LYN: variants seen among roughly 807,000 people sequenced by gnomAD.
LYN encodes tyrosine-protein kinase Lyn.
Under a neutral mutation model 65.0 loss-of-function variants are expected in LYN, and 12 were observed. That is an observed-to-expected ratio of 0.18 (90% CI 0.12 to 0.30). The LOEUF (loss-of-function observed/expected upper bound fraction) is 0.30, where lower values mean the gene tolerates loss of function less well. Ranked by LOEUF, LYN falls within the 10% of genes least tolerant of loss-of-function variation. The pLI, the probability that LYN is intolerant of heterozygous loss-of-function variation, is 1.00. For missense variants in LYN, 380 were observed against 623.2 expected, an observed-to-expected ratio of 0.61 and a Z score of 4.16; for synonymous variants, 222 against 221.2, an observed-to-expected ratio of 1.00 and a Z score of -0.03.
At chr8:55,929,358 T>C (rs1806196919) in intron 1 of LYN, among the ~76,000 whole-genome samples, 1 of 152,230 alleles carries the variant, frequency 6.6e-6, no homozygotes. Flanking sequence ...GCTTTTCTCA[T>C]AGAAAATCTC....
chr8:55,919,483 A>C (rs1465063988), intron 1 of LYN, among the ~76,000 whole-genome samples: 25 of 152,194 alleles, frequency 1.6e-4, no homozygotes, highest in Admixed American at 1.6e-3. Flanking sequence ...AGGGTGATTT[A>C]GAAATTGACT....
At chr8:55,977,328 A>G (rs1021819183) in intron 10 of LYN, among the ~76,000 whole-genome samples, 1 of 152,268 alleles carries the variant, frequency 6.6e-6, no homozygotes, top group Non-Finnish European at 1.5e-5. Context: ...TTTCAACAGG[A>G]CTTACAGTTT....
chr8:55,961,893 A>T (rs558734847), intron 8 of LYN, among the ~76,000 whole-genome samples: 1 of 141,974 alleles, frequency 7.0e-6, no homozygotes, highest in South Asian at 2.2e-4. Flanking sequence ...CCCACACCCT[A>T]CCTGTCCCCC....
intron 1 of LYN, among the ~76,000 whole-genome samples, chr8:55,933,980 C>A (rs1301757403): frequency 6.6e-6 from 1 of 152,188 alleles, no homozygotes; most frequent in East Asian, 1.9e-4. Flanking sequence ...GTAATCCCAG[C>A]ACTTTGGGAG....
chr8:55,954,094 A>G, intron 8 of LYN, 110 bp downstream of exon 8: 3 of 1,211,950 alleles, frequency 2.5e-6, no homozygotes, highest in Non-Finnish European at 3.5e-6. Flanking sequence ...TTATGTCAGA[A>G]GCATCATTTA....
intron 1 of LYN, among the ~76,000 whole-genome samples, chr8:55,891,679 T>A (rs1231899401): frequency 6.6e-6 from 1 of 152,172 alleles, no homozygotes; most frequent in Non-Finnish European, 1.5e-5. Context: ...TTAAAATAGT[T>A]ACGATACAAG....
intron 4 of LYN, 79 bp from the exon 5 acceptor site, chr8:55,950,380 T>C: frequency 1.1e-6 from 1 of 894,848 alleles, no homozygotes; most frequent in Non-Finnish European, 1.8e-6. Context: ...TACATATTTA[T>C]GGGATATCTG....
At chr8:55,946,775 C>A (rs1806790754) in intron 3 of LYN, among the ~76,000 whole-genome samples, 1 of 152,148 alleles carries the variant, frequency 6.6e-6, no homozygotes, top group Non-Finnish European at 1.5e-5. Context: ...CTGGCAACCT[C>A]CGCTCTTTCT....
intron 1 of LYN, among the ~76,000 whole-genome samples, chr8:55,933,450 C>T (rs939880679): frequency 6.6e-6 from 1 of 152,172 alleles, no homozygotes; most frequent in Non-Finnish European, 1.5e-5. Flanking sequence ...GTGTAGCCCC[C>T]AGTTATTTTC....
chr8:55,912,727 A>G (rs1242203184), intron 1 of LYN, among the ~76,000 whole-genome samples: 1 of 66,346 alleles, frequency 1.5e-5, no homozygotes, highest in Non-Finnish European at 2.5e-5. Flanking sequence ...ACTCCATCTG[A>G]AAAAAAAAAA....
chr8:55,951,827 T>G, intron 6 of LYN, 139 bp from the exon 7 acceptor site: 1 of 638,200 alleles, frequency 1.6e-6, no homozygotes, highest in Non-Finnish European at 2.5e-6. Flanking sequence ...ATAGGACTTT[T>G]AAAATTATGC....
chr8:55,976,261 A>G (rs926689765), intron 10 of LYN, among the ~76,000 whole-genome samples: 3 of 146,576 alleles, frequency 2.0e-5, no homozygotes, highest in African/African-American at 7.6e-5. Context: ...CAGGAGGCAG[A>G]GGTTGCAGTG....
At chr8:55,905,843 G>A (rs1805404425) in intron 1 of LYN, among the ~76,000 whole-genome samples, 1 of 152,146 alleles carries the variant, frequency 6.6e-6, no homozygotes, top group Non-Finnish European at 1.5e-5. Flanking sequence ...GGCCTGGAGT[G>A]TCTCCCATGC....
At position 55,880,029 on chromosome 8, in the gene LYN, C is replaced by A; in HGVS notation, c.-80C>A. ...TCCCCATACGCAGGTCCTGCTGGGC[C>A]GCCCCGTCGCGCCCCCCACTCTGAA... On this transcript the variant is annotated 5_prime_UTR_variant, in exon 1 of 13. Transcript: ENST00000519728. The A allele has an allele frequency of 3.3e-6, 1 of 305,394 alleles. No individual in the cohort carries two copies. The highest frequency in any genetic ancestry group is 6.6e-6 in the Non-Finnish European group (1 of 150,818). The allele number at this position is 305,394 out of a possible 1,614,324, so 18.9% of individuals were successfully genotyped here.
chr8:55,909,927 G>T (rs1332793836), intron 1 of LYN, among the ~76,000 whole-genome samples: 1 of 149,228 alleles, frequency 6.7e-6, no homozygotes, highest in Non-Finnish European at 1.5e-5. Flanking sequence ...TATTTTTTTT[G>T]AAAAATATGT....
At chr8:55,911,680 TGC>T (rs68079292) in intron 1 of LYN, among the ~76,000 whole-genome samples, 98,746 of 151,624 alleles carry the variant, frequency 0.65, 32,520 homozygotes, top group East Asian at 0.95. Flanking sequence ...TCCTATGAGC[TGC>T]GGGGCACCTG....
At position 55,998,504 on chromosome 8, in the gene LYN, G is replaced by A. The variant is rs759334958; in HGVS notation, c.1204+5G>A. 1.7e-5 allele frequency: 28 copies of A among 1,603,032 alleles called. No individual in the cohort carries two copies. Among genetic ancestry groups the A allele is most frequent in the Non-Finnish European group, 2.4e-5 (28 of 1,170,622 alleles). On this transcript the variant is annotated splice_donor_5th_base_variant and intron_variant, in intron 11 of 12. Coordinates refer to ENST00000519728, the MANE Select transcript of LYN (RefSeq NM_002350.4). ...ATGAGTACACAGCAAGGGAAGGTAT[G>A]TTGCACTAATGATCTTTAGATGTTT...
At chr8:55,919,959 TTGTC>T (rs965563954) in intron 1 of LYN, among the ~76,000 whole-genome samples, 36 of 152,194 alleles carry the variant, frequency 2.4e-4, no homozygotes, top group African/African-American at 7.7e-4. Flanking sequence ...CTTTGCTTCT[TTGTC>T]TGTCCTCCAA....
intron 1 of LYN, among the ~76,000 whole-genome samples, chr8:55,901,017 G>A (rs995774613): frequency 1.5e-4 from 23 of 152,062 alleles, no homozygotes; most frequent in Admixed American, 1.5e-3. Flanking sequence ...GTTTCTTGGT[G>A]GCATTTGCAG....
Sources: allele counts gnomAD v4.1 joint callset (sites outside exome capture counted in the v4.1 genomes callset), GRCh38; gene constraint gnomAD v4.1.1; transcripts MANE v1.5; gene names NCBI Gene and HGNC (gene_info 2026-07-23, HGNC 2026-07-21).